The following RBFOX1 variants were observed in gnomAD, a reference collection of about 807,000 sequenced individuals.
RBFOX1 encodes RNA binding fox-1 homolog 1, also known as RNA binding protein fox-1 homolog 1.
In RBFOX1, 8 loss-of-function variants were observed where a neutral mutation model predicts 57.7. The observed-to-expected ratio is 0.14, with a 90% CI of 0.08 to 0.25. The LOEUF is 0.25. RBFOX1 is among the 10% of genes least tolerant of loss of function. The pLI is 1.00. For synonymous variants in RBFOX1, 326 were observed against 222.4 expected (o/e 1.47, Z -4.15); for missense variants, 611 against 548.5 (o/e 1.11, Z -1.14).
intron 2 of RBFOX1, among the ~76,000 whole-genome samples, chr16:5,483,080 G>T (rs183440558): frequency 1.3e-4 from 20 of 152,264 alleles, no homozygotes; most frequent in Admixed American, 1.2e-3. Flanking sequence ...GTGCCTTTAA[G>T]TCTGTAGCCC....
chr16:6,938,255 T>C (rs904733503), intron 3 of RBFOX1, among the ~76,000 whole-genome samples: 1 of 152,208 alleles, frequency 6.6e-6, no homozygotes, highest in Non-Finnish European at 1.5e-5. Context: ...AGGTTGCAGA[T>C]ACAATAATGC....
intron 3 of RBFOX1, among the ~76,000 whole-genome samples, chr16:6,924,198 A>G (rs895284921): frequency 1.4e-5 from 2 of 142,148 alleles, no homozygotes; most frequent in Non-Finnish European, 3.1e-5. Flanking sequence ...AATAATAGCA[A>G]TAATGCCACC....
At chr16:7,091,394 C>A (rs1478706) in intron 4 of RBFOX1, among the ~76,000 whole-genome samples, 1 of 151,622 alleles carries the variant, frequency 6.6e-6, no homozygotes, top group East Asian at 1.9e-4. Context: ...TCATTTTATA[C>A]AAACATACCT....
At chr16:5,691,308 C>G (rs1221400475) in intron 3 of RBFOX1, among the ~76,000 whole-genome samples, 2 of 152,052 alleles carry the variant, frequency 1.3e-5, no homozygotes, top group African/African-American at 4.8e-5. Context: ...TACATAAGAC[C>G]CTGGGAAGCT....
intron 3 of RBFOX1, among the ~76,000 whole-genome samples, chr16:7,019,493 C>T (rs919105592): frequency 6.6e-6 from 1 of 152,122 alleles, no homozygotes; most frequent in East Asian, 1.9e-4. Flanking sequence ...GTCAAAAGCT[C>T]TCTTGTCTGA....
intron 3 of RBFOX1, among the ~76,000 whole-genome samples, chr16:6,987,660 G>T (rs1015956689): frequency 7.9e-5 from 12 of 152,168 alleles, no homozygotes; most frequent in Admixed American, 2.0e-4. Context: ...GGCCTCCACT[G>T]ACCTGCAGTT....
intron 3 of RBFOX1, among the ~76,000 whole-genome samples, chr16:6,991,562 G>T (rs1260267515): frequency 2.0e-5 from 3 of 152,096 alleles, no homozygotes; most frequent in South Asian, 4.1e-4. Flanking sequence ...TTTGAGATGG[G>T]GTCCCACTCT....
chr16:6,409,538 G>GTT (rs2093391034), intron 2 of RBFOX1, among the ~76,000 whole-genome samples: 1 of 152,140 alleles, frequency 6.6e-6, no homozygotes, highest in Non-Finnish European at 1.5e-5. Flanking sequence ...TCAATTGTAT[G>GTT]TTTTTTGATA....
At chr16:6,807,278 A>T (rs1307954182) in intron 3 of RBFOX1, among the ~76,000 whole-genome samples, 2 of 152,084 alleles carry the variant, frequency 1.3e-5, no homozygotes, top group African/African-American at 4.8e-5. Context: ...AGATGATGGG[A>T]ACTAAACAGC....
intron 13 of RBFOX1, 61 bp from the exon 14 acceptor site, chr16:7,676,713 C>G (rs1216832551): frequency 2.1e-6 from 3 of 1,422,440 alleles, no homozygotes; most frequent in East Asian, 2.3e-5. Flanking sequence ...GGTCTTGCCA[C>G]TGGGCATCCC....
intron 4 of RBFOX1, among the ~76,000 whole-genome samples, chr16:7,345,704 C>T (rs1004324107): frequency 1.3e-5 from 2 of 152,156 alleles, no homozygotes; most frequent in African/African-American, 4.8e-5. Flanking sequence ...GGATAAAAAG[C>T]CTTTCATTAC....
At chr16:5,899,060 C>G (rs1224072717) in intron 4 of RBFOX1, among the ~76,000 whole-genome samples, 1 of 151,020 alleles carries the variant, frequency 6.6e-6, no homozygotes, top group African/African-American at 2.4e-5. Context: ...ATACCTGCCT[C>G]CCCTCTCTTA....
At chr16:6,677,000 AT>A (rs1415927013) in intron 3 of RBFOX1, among the ~76,000 whole-genome samples, 2 of 151,984 alleles carry the variant, frequency 1.3e-5, no homozygotes, top group Non-Finnish European at 2.9e-5. Flanking sequence ...CTATGCACAG[AT>A]CCAAAAGACC....
chr16:6,812,367 AGTTTCTTATTTTTTATTTTTTTTGAGAC>A (rs1218589102), intron 3 of RBFOX1, among the ~76,000 whole-genome samples: 1 of 151,816 alleles, frequency 6.6e-6, no homozygotes, highest in Non-Finnish European at 1.5e-5. Flanking sequence ...GTTTTGGTTC[AGTTTCTTATTTTTTATTTTTTTTGAGAC>A]GGAGTCTGGG....
chr16:6,555,340 C>T (rs775100503), intron 2 of RBFOX1, among the ~76,000 whole-genome samples: 7 of 152,024 alleles, frequency 4.6e-5, no homozygotes, highest in South Asian at 2.1e-4. Flanking sequence ...TATGGTAATG[C>T]GAAAGCTTGA....
chr16:6,327,712 A>C (rs1442478896), intron 2 of RBFOX1, among the ~76,000 whole-genome samples: 1 of 152,170 alleles, frequency 6.6e-6, no homozygotes, highest in Non-Finnish European at 1.5e-5. Flanking sequence ...AGAAAAGAAA[A>C]AGGAGTTTCA....
At chr16:5,548,174 A>AAATATATATATAT (rs1555462290) in intron 2 of RBFOX1, among the ~76,000 whole-genome samples, 1 of 33,580 alleles carries the variant, frequency 3.0e-5, no homozygotes, top group African/African-American at 8.0e-5. Flanking sequence ...AAAAAAAAAA[A>AAATATATATATAT]ATATATATAT....
intron 1 of RBFOX1, among the ~76,000 whole-genome samples, chr16:6,229,673 G>A (rs1283951951): frequency 1.3e-5 from 2 of 150,890 alleles, no homozygotes; most frequent in Admixed American, 6.6e-5. Flanking sequence ...AAAGCCAAAT[G>A]TAAATATTGG....
intron 2 of RBFOX1, among the ~76,000 whole-genome samples, chr16:5,563,705 T>C (rs1045201617): frequency 6.6e-6 from 1 of 152,186 alleles, no homozygotes; most frequent in African/African-American, 2.4e-5. Flanking sequence ...TGATATACAA[T>C]TCCTCCATTT....
Sources: gnomAD v4.1 joint callset for allele counts (sites outside exome capture counted in the v4.1 genomes callset) on GRCh38, gnomAD v4.1.1 for gene constraint, MANE v1.5 for transcripts, NCBI Gene and HGNC (gene_info 2026-07-23, HGNC 2026-07-21) for gene names.